BZW2: variants seen among roughly 807,000 people sequenced by gnomAD.
BZW2 encodes basic leucine zipper and W2 domains 2.
In BZW2, 23 loss-of-function variants were observed where a neutral mutation model predicts 53.2. The ratio of observed to expected loss-of-function variants is 0.43; its 90% CI spans 0.31 to 0.61. The LOEUF (loss-of-function observed/expected upper bound fraction) is 0.61. Ranked by LOEUF, BZW2 falls within the 20% of genes least tolerant of loss-of-function variation. BZW2 has a pLI of 0.09. For missense variants in BZW2, 409 were observed against 503.1 expected (o/e 0.81, Z 1.79); for synonymous variants, 227 against 186.4 (o/e 1.22, Z -1.77).
At chr7:16,665,357 T>G (rs1397311436) in intron 1 of BZW2, 80 bp from the exon 2 acceptor site, 8 of 1,550,106 alleles carry the variant, frequency 5.2e-6, no homozygotes, top group Non-Finnish European at 7.1e-6. Context: ...GAACATATGT[T>G]CAACCAAACT....
chr7:16,675,218 T>C (rs1562485189), intron 3 of BZW2, among the ~76,000 whole-genome samples: 1 of 152,236 alleles, frequency 6.6e-6, no homozygotes, highest in Non-Finnish European at 1.5e-5. Flanking sequence ...CCTCTCATAG[T>C]CATTCTTAGA....
chr7:16,646,233 C>T lies in BZW2; in HGVS notation c.-63C>T, dbSNP rs1442630618. The T allele has an allele frequency of 2.9e-6, 1 of 347,250 alleles. No individual in the cohort carries two copies. Among genetic ancestry groups the T allele is most frequent in the Non-Finnish European group, 5.9e-6 (1 of 169,982 alleles). 21.5% of individuals were successfully genotyped at this position (347,250 alleles called of 1,614,324 possible). ...GCTGCTGCTGCTGCTGCCGCTGCTG[C>T]TGCACGAATCGCCGCAGCCCCCAGC... On this transcript the variant is annotated 5_prime_UTR_variant, in exon 1 of 12. Coordinates refer to ENST00000258761, the MANE Select transcript of BZW2 (RefSeq NM_014038.3).
chr7:16,672,601 C>G (rs147154627), intron 2 of BZW2, among the ~76,000 whole-genome samples: 138 of 152,290 alleles, frequency 9.1e-4, no homozygotes, highest in African/African-American at 3.2e-3. Flanking sequence ...TCTCTCCTCA[C>G]ATCCAGACTT....
intron 1 of BZW2, among the ~76,000 whole-genome samples, chr7:16,647,743 A>G (rs1781902600): frequency 6.6e-6 from 1 of 152,240 alleles, no homozygotes; most frequent in Non-Finnish European, 1.5e-5. Flanking sequence ...ACATAGTATC[A>G]TGCGGAAGAA....
chr7:16,671,612 T>C (rs1370744815), intron 2 of BZW2, among the ~76,000 whole-genome samples: 3 of 152,156 alleles, frequency 2.0e-5, no homozygotes, highest in Non-Finnish European at 4.4e-5. Flanking sequence ...TATATGTATG[T>C]TCGTATTGCT....
chr7:16,681,210 A>G, intron 3 of BZW2, 91 bp from the exon 4 acceptor site: 1 of 998,234 alleles, frequency 1.0e-6, no homozygotes, highest in Non-Finnish European at 1.5e-6. Context: ...TACTTTGATT[A>G]TTTTCTTTCA....
chr7:16,676,551 A>G (rs1182959045), intron 3 of BZW2, among the ~76,000 whole-genome samples: 1 of 150,810 alleles, frequency 6.6e-6, no homozygotes, highest in African/African-American at 2.5e-5. Flanking sequence ...ATTTTATCAA[A>G]AATTATGAGT....
chr7:16,703,625 G>C (rs1371045550), intron 10 of BZW2, among the ~76,000 whole-genome samples: 1 of 152,054 alleles, frequency 6.6e-6, no homozygotes, highest in Admixed American at 6.6e-5. Flanking sequence ...CCTGTTTTCT[G>C]TCTCGTTTCC....
chr7:16,702,628 G>A (rs1478412327), intron 10 of BZW2, among the ~76,000 whole-genome samples: 1 of 152,092 alleles, frequency 6.6e-6, no homozygotes, highest in Non-Finnish European at 1.5e-5. Flanking sequence ...GCCTCTGTGA[G>A]GCAATAAAAC....
intron 2 of BZW2, among the ~76,000 whole-genome samples, chr7:16,672,228 T>G (rs1357653932): frequency 6.6e-6 from 1 of 152,160 alleles, no homozygotes; most frequent in African/African-American, 2.4e-5. Flanking sequence ...TTCTGGGAGA[T>G]TTATTGAGAT....
At chr7:16,692,314 T>C (rs1421067064) in intron 7 of BZW2, among the ~76,000 whole-genome samples, 1 of 152,210 alleles carries the variant, frequency 6.6e-6, no homozygotes, top group Non-Finnish European at 1.5e-5. Flanking sequence ...TCAATAAGTA[T>C]GTATCGATTA....
intron 10 of BZW2, among the ~76,000 whole-genome samples, chr7:16,703,526 T>C (rs982677579): frequency 5.9e-5 from 9 of 152,144 alleles, no homozygotes; most frequent in African/African-American, 1.9e-4. Flanking sequence ...TGAAAAGATA[T>C]CATTAAAGTA....
intron 11 of BZW2, among the ~76,000 whole-genome samples, chr7:16,705,231 C>T (rs866952640): frequency 2.0e-5 from 3 of 152,100 alleles, no homozygotes; most frequent in Non-Finnish European, 2.9e-5. Flanking sequence ...TGGTGGCTCA[C>T]GCCTGTAGTC....
rs554682620 is a variant in BZW2, at chr7:16,680,207, T to C, written c.236-1094T>C. Among the ~76,000 whole-genome samples the C allele has an allele frequency of 3.3e-5, 5 of 152,226 alleles. No individual in the cohort carries two copies. The South Asian group carries it at 1.0e-3, about 32-fold the overall frequency. The stretch of plus-strand genomic sequence containing the variant: ...AGTCAGATCTGGTCAGTTCTGTAGT[T>C]GGTGATCTAGGTAGAGTATCTGCAA... On this transcript the variant is annotated intron_variant, in intron 3 of 11. Coordinates refer to ENST00000258761, the MANE Select transcript of BZW2 (RefSeq NM_014038.3).
chr7:16,658,624 C>T (rs1782174205), intron 1 of BZW2, among the ~76,000 whole-genome samples: 1 of 152,120 alleles, frequency 6.6e-6, no homozygotes, highest in African/African-American at 2.4e-5. Context: ...TGCCTGTAAT[C>T]CCAGCACTTT....
In BZW2 at chr7:16,671,950, G is replaced by A. The variant is rs556616152; in HGVS notation, c.59-2462G>A. 1.8e-4 allele frequency among the ~76,000 whole-genome samples: 18 copies of A among 97,642 alleles called. 1 individual carries two copies. Among genetic ancestry groups the A allele is most frequent in the Non-Finnish European group, 2.9e-4 (14 of 48,510 alleles). 64.1% of individuals were successfully genotyped at this position (97,642 alleles called of 152,430 possible). A position where few individuals can be genotyped will look rare whatever the true frequency, so the allele number is the denominator to read the frequency against. ...TGTTTCAAAAAAAAAAAAAAAAATC[G>A]GAACACTAACAAGAATTCTAGGCTG... On this transcript the variant is annotated intron_variant, in intron 2 of 11. Coordinates refer to ENST00000258761, the MANE Select transcript of BZW2 (RefSeq NM_014038.3).
chr7:16,653,999 C>A (rs1158353294), intron 1 of BZW2, among the ~76,000 whole-genome samples: 1 of 146,464 alleles, frequency 6.8e-6, no homozygotes, highest in East Asian at 2.0e-4. Flanking sequence ...GTAATCCCAT[C>A]GCTTTGGGTG....
At position 16,703,842 on chromosome 7, in the gene BZW2, C is replaced by T. The variant is rs373307647; in HGVS notation, c.1109-705C>T. Reference sequence around the variant, plus strand: ...AGAGTTTTAGACAAAAGATAGTTAACATTTTTTGTTGTTTTTAGAAACCTG... The same window carrying T: ...AGAGTTTTAGACAAAAGATAGTTAATATTTTTTGTTGTTTTTAGAAACCTG... On this transcript the variant is annotated intron_variant, in intron 10 of 11. Transcript: ENST00000258761. Among the ~76,000 whole-genome samples, 37 of 152,226 alleles carry T rather than the reference C, an allele frequency of 2.4e-4. 1 individual carries two copies. The South Asian group carries it at 7.5e-3, about 31-fold the overall frequency.
chr7:16,698,277 G>T, intron 10 of BZW2, 91 bp downstream of exon 10: 1 of 1,515,426 alleles, frequency 6.6e-7, no homozygotes, highest in Admixed American at 1.7e-5. Flanking sequence ...AGGTCATGGG[G>T]CTCTGTTTAG....
Sources: gnomAD v4.1 joint callset for allele counts (sites outside exome capture counted in the v4.1 genomes callset) on GRCh38, gnomAD v4.1.1 for gene constraint, MANE v1.5 for transcripts, NCBI Gene and HGNC (gene_info 2026-07-23, HGNC 2026-07-21) for gene names.